Variants in ITPKB observed in about 807,000 individuals in gnomAD.
The protein encoded by ITPKB is IP3 3-kinase B.
A neutral mutation model predicts 69.4 loss-of-function variants in ITPKB; 13 were observed. The observed-to-expected ratio is 0.19, with a 90% CI of 0.12 to 0.30. ITPKB has a LOEUF of 0.30. Among genes scored for constraint, ITPKB ranks in the 10% least tolerant of loss-of-function variants. The probability of loss-of-function intolerance (pLI) is 1.00; values close to 1 mark genes in which losing one functional copy is unlikely to be tolerated. For synonymous variants in ITPKB, 584 were observed against 513.7 expected (o/e 1.14, Z -1.85); for missense variants, 1,240 against 1,250.5 (o/e 0.99, Z 0.13).
At chr1:226,712,512 C>T (rs1026620779) in intron 2 of ITPKB, among the ~76,000 whole-genome samples, 3 of 152,242 alleles carry the variant, frequency 2.0e-5, no homozygotes, top group Admixed American at 6.5e-5. Flanking sequence ...ACACTTCCTA[C>T]ATAGCTGTAT....
At chr1:226,649,507 A>G (rs1370200895) in intron 2 of ITPKB, among the ~76,000 whole-genome samples, 1 of 143,542 alleles carries the variant, frequency 7.0e-6, no homozygotes, top group African/African-American at 2.6e-5. Context: ...TGCATGCGTG[A>G]TATGTGCATG....
intron 2 of ITPKB, among the ~76,000 whole-genome samples, chr1:226,682,983 C>T (rs1656123364): frequency 6.6e-6 from 1 of 152,192 alleles, no homozygotes. Flanking sequence ...ATTGTGTCAT[C>T]CGAAGCAGCT....
rs1434392572 is a variant in ITPKB at position 226,738,201 on chromosome 1, G to T, written c.-205-538C>A. On this transcript the variant is annotated intron_variant, in intron 1 of 7. Coordinates refer to ENST00000429204, the MANE Select transcript of ITPKB (RefSeq NM_002221.4). This position sits in a 1 kb window ranked among gnomAD's most constrained non-coding sequence, Gnocchi z 4.2. ...AAGCGGGACCTGCCTTGCCCGAGCC[G>T]CTGCCAGCGCCCGGATCTGGGAGGG... Among the ~76,000 whole-genome samples, 1 of 152,078 alleles carries T rather than the reference G, an allele frequency of 6.6e-6. No individual in the cohort carries two copies. Among genetic ancestry groups the T allele is most frequent in the East Asian group, 1.9e-4 (1 of 5,162 alleles).
At position 226,739,168 on chromosome 1, in the gene ITPKB, A is replaced by AAAAGAGGAGTGCG. The variant is rs1177930653; in HGVS notation, c.-346_-334dup. 6.6e-6 allele frequency: 1 copy of AAAAGAGGAGTGCG among 152,126 alleles called. No individual in the cohort carries two copies. The highest frequency in any genetic ancestry group is 1.5e-5 in the Non-Finnish European group (1 of 68,012). 9.4% of individuals were successfully genotyped at this position (152,126 alleles called of 1,614,324 possible). A position where few individuals can be genotyped will look rare whatever the true frequency, so the allele number is the denominator to read the frequency against. ...TTTTCTCACAAGCTATGGAAGACAA[A>AAAAGAGGAGTGCG]AAAGAGGAGTGCGAAAGAGGGGGGA... On this transcript the variant is annotated 5_prime_UTR_variant, in exon 1 of 8. Transcript: ENST00000429204.
intron 2 of ITPKB, among the ~76,000 whole-genome samples, chr1:226,661,876 T>G (rs1669409331): frequency 6.6e-6 from 1 of 152,214 alleles, no homozygotes. Context: ...CCTCCTCTTC[T>G]ATCCCTAATC....
intron 2 of ITPKB, among the ~76,000 whole-genome samples, chr1:226,713,374 G>C (rs1380253431): frequency 6.6e-6 from 1 of 152,210 alleles, no homozygotes; most frequent in Non-Finnish European, 1.5e-5. Context: ...CACTTTATTA[G>C]GGAGGGAAGT....
rs1669079266 is a variant in ITPKB at position 226,647,155 on chromosome 1, A to G, written c.2246+12T>C. On this transcript the variant is annotated intron_variant, in intron 4 of 7. Coordinates refer to ENST00000429204, the MANE Select transcript of ITPKB (RefSeq NM_002221.4). The stretch of plus-strand genomic sequence containing the variant: ...TGAGGCAGGCATGTGGGCTGCGAGA[A>G]GCCTGGCTCACCTGATTCCCATCTT... 2 of 1,613,116 alleles carry G rather than the reference A, an allele frequency of 1.2e-6. No individual in the cohort carries two copies. The highest frequency in any genetic ancestry group is 2.7e-5 in the African/African-American group (2 of 74,920).
In ITPKB at chr1:226,647,210, C is replaced by T. The variant is rs765158296; in HGVS notation, c.2203G>A (p.Asp735Asn). The T allele has an allele frequency of 5.6e-5, 90 of 1,614,118 alleles. No individual in the cohort carries two copies. The highest frequency in any genetic ancestry group is 7.0e-5 in the Non-Finnish European group (83 of 1,180,048). Reference sequence around the variant, plus strand: ...TCCATCACACAGGGCGAGTCGAAGTCGGCCAGCAGGTCGTCCATCTGGTTG... The same window carrying T: ...TCCATCACACAGGGCGAGTCGAAGTTGGCCAGCAGGTCGTCCATCTGGTTG... ...RYNQMDDLLA[D>N]FDSPCVMDCK... Residue 735 changes from aspartate (D) to asparagine (N), a missense_variant, in exon 4 of 8, where the codon GAC becomes AAC. Physicochemically the swap from Asp to Asn is conservative, Grantham distance 23. This residue lies in a region of ITPKB where 248 missense variants were observed against 396.7 expected (regional missense o/e 0.63). Coordinates refer to ENST00000429204, the MANE Select transcript of ITPKB (RefSeq NM_002221.4).
intron 2 of ITPKB, among the ~76,000 whole-genome samples, chr1:226,699,352 T>C (rs990601118): frequency 3.3e-5 from 5 of 152,224 alleles, no homozygotes; most frequent in African/African-American, 1.2e-4. Flanking sequence ...ACGGTCAGAT[T>C]CCCCAGTGCG....
chr1:226,723,814 G>A (rs1657320348), intron 2 of ITPKB, among the ~76,000 whole-genome samples: 1 of 152,082 alleles, frequency 6.6e-6, no homozygotes, highest in Admixed American at 6.5e-5. Context: ...CCTCTTGCCG[G>A]CAGCTGAATA....
intron 2 of ITPKB, among the ~76,000 whole-genome samples, chr1:226,728,547 G>A (rs1050338734): frequency 2.0e-5 from 3 of 152,190 alleles, no homozygotes; most frequent in African/African-American, 7.2e-5. Flanking sequence ...TTGCAAACGT[G>A]TCGTGGTTGA....
intron 4 of ITPKB, among the ~76,000 whole-genome samples, chr1:226,644,065 C>A (rs1669016399): frequency 6.6e-6 from 1 of 152,248 alleles, no homozygotes; most frequent in African/African-American, 2.4e-5. Flanking sequence ...GGCTGCACTT[C>A]TGCAAAGAGC....
chr1:226,711,865 G>A (rs1656968854), intron 2 of ITPKB, among the ~76,000 whole-genome samples: 2 of 152,194 alleles, frequency 1.3e-5, no homozygotes, highest in Non-Finnish European at 2.9e-5. Flanking sequence ...CCTGTAGGCT[G>A]GTACCATGTT....
In ITPKB at chr1:226,736,006, C is replaced by G. The variant is rs992211791; in HGVS notation, c.1453G>C (p.Ala485Pro). 1.2e-6 allele frequency: 2 copies of G among 1,613,892 alleles called. No individual in the cohort carries two copies. The highest frequency in any genetic ancestry group is 1.7e-6 in the Non-Finnish European group (2 of 1,180,022). The change falls in exon 2 of 8, where the codon GCG (alanine) becomes CCG (proline). Residue 485 changes from alanine (A) to proline (P), a missense_variant. Physicochemically the swap from Ala to Pro is conservative, Grantham distance 27. Transcript: ENST00000429204. ...CACTGAGGTTCTTTCAGATCTTTCG[C>G]AGCGTCCCAACAGGGCAAAGGCTCC... ...MLEPLPCWDA[A>P]KDLKEPQCPP...
intron 2 of ITPKB, among the ~76,000 whole-genome samples, chr1:226,718,334 A>T (rs1049653412): frequency 1.5e-4 from 23 of 149,780 alleles, no homozygotes; most frequent in African/African-American, 5.7e-4. Flanking sequence ...AACTGCAATG[A>T]AGGCTGGCGT....
chr1:226,639,054 C>CTTT (rs34561047), intron 6 of ITPKB, among the ~76,000 whole-genome samples: 10,832 of 123,664 alleles, frequency 0.088, 691 homozygotes, highest in East Asian at 0.27. Context: ...GTGCCCTTGA[C>CTTT]TTTTTTTTTT....
In ITPKB at chr1:226,739,105, G is replaced by A. The variant is rs527466834; in HGVS notation, c.-270C>T. On this transcript the variant is annotated 5_prime_UTR_variant, in exon 1 of 8. Transcript: ENST00000429204. ...TGCCCAGAGGCGCAAACCTCGTAGG[G>A]ACGAGATGGCTTTAAAAGTAAAAAT... 1 of 152,338 alleles carries A rather than the reference G, an allele frequency of 6.6e-6. No homozygotes were observed. Among genetic ancestry groups the A allele is most frequent in the African/African-American group, 2.4e-5 (1 of 41,584 alleles). 9.4% of individuals were successfully genotyped at this position (152,338 alleles called of 1,614,324 possible).
rs187108094 is a variant in ITPKB, at chr1:226,674,210, A to T, written c.1933-25439T>A. 4.4e-3 allele frequency among the ~76,000 whole-genome samples: 670 copies of T among 151,268 alleles called. 1 individual carries two copies. Among genetic ancestry groups the T allele is most frequent in the African/African-American group, 0.015 (623 of 41,240 alleles). Reference sequence around the variant, plus strand: ...ATTTTTTAAGTATTTATATATACACATTTTTTTTTGAGACAGAGTCTCACT... The same window carrying T: ...ATTTTTTAAGTATTTATATATACACTTTTTTTTTTGAGACAGAGTCTCACT... On this transcript the variant is annotated intron_variant, in intron 2 of 7. Coordinates refer to ENST00000429204, the MANE Select transcript of ITPKB (RefSeq NM_002221.4).
At chr1:226,702,875 C>A (rs143749224) in intron 2 of ITPKB, among the ~76,000 whole-genome samples, 2 of 152,296 alleles carry the variant, frequency 1.3e-5, no homozygotes, top group South Asian at 4.1e-4. Context: ...CTCCTTCCAA[C>A]CTCAAGGAAC....
Sources: allele counts gnomAD v4.1 joint callset (sites outside exome capture counted in the v4.1 genomes callset), GRCh38; gene constraint gnomAD v4.1.1; regional missense constraint gnomAD v4.1.1; non-coding constraint Gnocchi (gnomAD v3.1); transcripts MANE v1.5; gene names NCBI Gene and HGNC (gene_info 2026-07-23, HGNC 2026-07-21).